Variants in LRRC9 observed in about 807,000 individuals in gnomAD.
The protein encoded by LRRC9 is leucine-rich repeat-containing protein 9.
A neutral mutation model predicts 63.2 loss-of-function variants in LRRC9; 122 were observed. The observed-to-expected ratio is 1.93, with a 90% CI of 1.67 to 2.24. The LOEUF is 2.24. Among genes scored for constraint, LRRC9 ranks in the 30% most tolerant of loss-of-function variants. LRRC9 has a pLI of 0.00. For synonymous variants in LRRC9, 366 were observed against 213.1 expected, an observed-to-expected ratio of 1.72 and a Z score of -6.25; for missense variants, 1,071 against 627.7, an observed-to-expected ratio of 1.71 and a Z score of -7.55.
In LRRC9 at chr14:59,966,273, AACATCTAAAAGTCTGTC is replaced by A. The variant is rs1416044622; in HGVS notation, c.1212-315_1212-299del. Among the ~76,000 whole-genome samples the A allele has an allele frequency of 6.6e-6, 1 of 152,216 alleles. No homozygotes were observed. Among genetic ancestry groups the A allele is most frequent in the Non-Finnish European group, 1.5e-5 (1 of 68,038 alleles). On this transcript the variant is annotated intron_variant, in intron 10 of 31. Transcript: ENST00000445360. This position sits in a 1 kb window ranked among gnomAD's most constrained non-coding sequence, Gnocchi z 4.0. ...CCAAAGGCTGATCCCTGGGCAGTTC[AACATCTAAAAGTCTGTC>A]TGAGAAGACCCAGCAAGAAAACTAT...
intron 23 of LRRC9, among the ~76,000 whole-genome samples, chr14:60,016,023 T>C (rs1470459957): frequency 6.6e-6 from 1 of 152,172 alleles, no homozygotes; most frequent in Admixed American, 6.5e-5. Flanking sequence ...GCAGGCTTTT[T>C]GTGGACTTTG....
rs1889766530 is a variant in LRRC9 at position 59,932,230 on chromosome 14, A to T, written c.543+191A>T. The stretch of plus-strand genomic sequence containing the variant: ...TGACACTATTAAAACCAAACAAATA[A>T]CTATTTACCTGGCTCTTAGGATACC... On this transcript the variant is annotated intron_variant, in intron 6 of 31. Transcript: ENST00000445360. This position sits in a 1 kb window ranked among gnomAD's most constrained non-coding sequence, Gnocchi z 4.7. 6.6e-6 allele frequency among the ~76,000 whole-genome samples: 1 copy of T among 151,976 alleles called. No homozygotes were observed.
rs375334143 is a variant in LRRC9, at chr14:59,992,197, A to G, written c.2212-5459A>G. Among the ~76,000 whole-genome samples, 60 of 152,336 alleles carry G rather than the reference A, an allele frequency of 3.9e-4. No homozygotes were observed. In the East Asian group the frequency reaches 0.011, roughly 27 times the overall value. ...AGCCTCCACTGCTGATACCCAGGCA[A>G]ACAGGGTCTGGAGTGGACCTCCAGC... On this transcript the variant is annotated intron_variant, in intron 17 of 31. Coordinates refer to ENST00000445360, the Ensembl canonical transcript of LRRC9.
At chr14:60,054,747 A>G (rs887808786) in intron 30 of LRRC9, among the ~76,000 whole-genome samples, 2 of 152,130 alleles carry the variant, frequency 1.3e-5, no homozygotes, top group African/African-American at 4.8e-5. Context: ...ATGAATATCA[A>G]TTAGACAATG....
intron 10 of LRRC9, among the ~76,000 whole-genome samples, chr14:59,961,449 A>G (rs942810295): frequency 9.9e-5 from 15 of 152,226 alleles, no homozygotes; most frequent in African/African-American, 3.6e-4. Flanking sequence ...GGAAGAGAGC[A>G]GGAATGCCAA....
chr14:59,963,311 A>G (rs1884526113), intron 10 of LRRC9, among the ~76,000 whole-genome samples: 2 of 152,170 alleles, frequency 1.3e-5, no homozygotes, highest in African/African-American at 4.8e-5. Flanking sequence ...ATCTTATTTT[A>G]TAGAGACATG....
Position 59,938,945 on chromosome 14 carries a change from A to ATG in LRRC9, c.726+373_726+374insTG, listed in dbSNP as rs1881379607. ...CATATATATACACATATATACATATACATACATATATACACACATATATAC... is the reference window on the plus strand; with the variant it reads ...CATATATATACACATATATACATATATGCATACATATATACACACATATATAC... On this transcript the variant is annotated intron_variant, in intron 7 of 31. Transcript: ENST00000445360. This position sits in a 1 kb window ranked among gnomAD's most constrained non-coding sequence, Gnocchi z 4.2. Among the ~76,000 whole-genome samples, 1 of 97,806 alleles carries ATG rather than the reference A, an allele frequency of 1.0e-5. No homozygotes were observed. Among genetic ancestry groups the ATG allele is most frequent in the African/African-American group, 4.1e-5 (1 of 24,508 alleles). 64.2% of individuals were successfully genotyped at this position (97,806 alleles called of 152,430 possible). A position where few individuals can be genotyped will look rare whatever the true frequency, so the allele number is the denominator to read the frequency against.
At position 59,964,967 on chromosome 14, in the gene LRRC9, GC is replaced by G. The variant is rs1246771385; in HGVS notation, c.1212-1621del. Among the ~76,000 whole-genome samples, 5 of 152,162 alleles carry G rather than the reference GC, an allele frequency of 3.3e-5. No homozygotes were observed. In the East Asian group the frequency reaches 9.6e-4, roughly 29 times the overall value. On this transcript the variant is annotated intron_variant, in intron 10 of 31. Coordinates refer to ENST00000445360, the Ensembl canonical transcript of LRRC9. The surrounding 1 kb of genome is among the most constrained non-coding windows in gnomAD (Gnocchi z 4.4). ...ATAGATGCCCTAAGTTAGGAGCTCA[GC>G]TATTAGGCTCAAGGAGAGACTACCC...
At chr14:60,059,245 T>C (rs2140464944) in intron 31 of LRRC9, 1 of 152,348 alleles carries the variant, frequency 6.6e-6, no homozygotes, top group East Asian at 1.9e-4. Flanking sequence ...TCCAACAACA[T>C]GTGCTCACTT....
rs1889529618 is a variant in LRRC9 at position 60,003,180 on chromosome 14, G to C, written c.2665-441G>C. ...ACCCACAGGCAGTTCTGGAGTTAGT[G>C]GAGTTAGAATGGCCCTTTAAATTTG... On this transcript the variant is annotated intron_variant, in intron 20 of 31. Transcript: ENST00000445360. This position sits in a 1 kb window ranked among gnomAD's most constrained non-coding sequence, Gnocchi z 4.2. Among the ~76,000 whole-genome samples the C allele has an allele frequency of 6.6e-6, 1 of 152,240 alleles. No homozygotes were observed. Among genetic ancestry groups the C allele is most frequent in the Non-Finnish European group, 1.5e-5 (1 of 68,034 alleles).
intron 15 of LRRC9, among the ~76,000 whole-genome samples, chr14:59,980,780 A>G (rs918880648): frequency 6.6e-6 from 1 of 152,230 alleles, no homozygotes; most frequent in African/African-American, 2.4e-5. Context: ...CAAAAGATAC[A>G]GAAACCCAGA....
intron 21 of LRRC9, among the ~76,000 whole-genome samples, chr14:60,006,091 T>A (rs1179169348): frequency 6.6e-6 from 1 of 152,116 alleles, no homozygotes; most frequent in Non-Finnish European, 1.5e-5. Context: ...TCTTAATTAA[T>A]TACATCATTT....
chr14:59,976,750 T>C (rs1566835747), intron 13 of LRRC9, among the ~76,000 whole-genome samples: 1 of 152,188 alleles, frequency 6.6e-6, no homozygotes, highest in Non-Finnish European at 1.5e-5. Flanking sequence ...ATAAATTACG[T>C]TTTTAGTTTC....
intron 29 of LRRC9, among the ~76,000 whole-genome samples, chr14:60,039,083 T>C (rs1892704923): frequency 1.3e-5 from 2 of 152,258 alleles, no homozygotes; most frequent in Admixed American, 1.3e-4. Context: ...TTTACGAATG[T>C]TGAACCAGAC....
Position 60,002,114 on chromosome 14 carries a change from C to T in LRRC9, c.2664+14C>T. 1 of 689,366 alleles carries T rather than the reference C, an allele frequency of 1.5e-6. No homozygotes were observed. Among genetic ancestry groups the T allele is most frequent in the East Asian group, 2.7e-5 (1 of 37,040 alleles). 42.7% of individuals were successfully genotyped at this position (689,366 alleles called of 1,614,324 possible). On this transcript the variant is annotated intron_variant, in intron 20 of 31. Coordinates refer to ENST00000445360, the Ensembl canonical transcript of LRRC9. ...TGCTACTTGAAGGTAAAGGCTAATTCTATTAAACCTAATATAAAGCTTAAT... is the reference window on the plus strand; with the variant it reads ...TGCTACTTGAAGGTAAAGGCTAATTTTATTAAACCTAATATAAAGCTTAAT...
intron 29 of LRRC9, among the ~76,000 whole-genome samples, chr14:60,048,346 C>T (rs1323323015): frequency 1.3e-5 from 2 of 151,968 alleles, no homozygotes; most frequent in Non-Finnish European, 2.9e-5. Flanking sequence ...TCAACAACTC[C>T]AGGACGTGGT....
At chr14:59,997,847 G>T (rs1231265338) in exon 18 of LRRC9, 2 of 683,736 alleles carry the variant, frequency 2.9e-6, no homozygotes, top group East Asian at 5.5e-5. Context: ...CATGGCAAAA[G>T]GTATGCCACA....
At chr14:59,995,271 T>C (rs1161193337) in intron 17 of LRRC9, among the ~76,000 whole-genome samples, 1 of 152,240 alleles carries the variant, frequency 6.6e-6, no homozygotes, top group Non-Finnish European at 1.5e-5. Flanking sequence ...GAGAAGGAAA[T>C]AGAGATGTTT....
intron 8 of LRRC9, among the ~76,000 whole-genome samples, chr14:59,953,245 C>A (rs1883366937): frequency 6.6e-6 from 1 of 152,318 alleles, no homozygotes; most frequent in South Asian, 2.1e-4. Flanking sequence ...CTGTCTTCCA[C>A]AATGGTTGAA....
Sources: gnomAD v4.1 joint callset for allele counts (sites outside exome capture counted in the v4.1 genomes callset) on GRCh38, gnomAD v4.1.1 for gene constraint, Gnocchi (gnomAD v3.1) non-coding constraint, MANE v1.5 for transcripts, NCBI Gene and HGNC (gene_info 2026-07-23, HGNC 2026-07-21) for gene names.